The following FSTL5 variants were observed in gnomAD, a reference collection of about 807,000 sequenced individuals.
The protein encoded by FSTL5 is follistatin like 5, also known as follistatin-related protein 5.
Under a neutral mutation model 89.1 loss-of-function variants are expected in FSTL5, and 62 were observed. The ratio of observed to expected loss-of-function variants is 0.70; its 90% CI spans 0.57 to 0.86. The LOEUF is 0.86. Ranked by LOEUF, FSTL5 falls within the 40% of genes least tolerant of loss-of-function variation. The pLI is 0.00. For missense variants in FSTL5, 1,057 were observed against 1,001.6 expected, an observed-to-expected ratio of 1.06 and a Z score of -0.75; for synonymous variants, 383 against 346.2, an observed-to-expected ratio of 1.11 and a Z score of -1.18.
At chr4:161,658,518 A>G (rs1318793009) in intron 6 of FSTL5, among the ~76,000 whole-genome samples, 2 of 152,148 alleles carry the variant, frequency 1.3e-5, no homozygotes, top group African/African-American at 2.4e-5. Flanking sequence ...ATTCTGTCAT[A>G]TACATATGAC....
At chr4:162,081,906 G>T (rs1466008220) in intron 2 of FSTL5, among the ~76,000 whole-genome samples, 1 of 151,132 alleles carries the variant, frequency 6.6e-6, no homozygotes, top group African/African-American at 2.4e-5. Flanking sequence ...ACAAAAATCA[G>T]CCCTTAATCC....
intron 3 of FSTL5, among the ~76,000 whole-genome samples, chr4:161,946,791 G>A (rs1734746196): frequency 6.6e-6 from 1 of 152,120 alleles, no homozygotes; most frequent in Non-Finnish European, 1.5e-5. Flanking sequence ...TCATAAGACA[G>A]TTAATTTTAT....
chr4:161,438,534 C>T (rs1732651630), intron 15 of FSTL5, among the ~76,000 whole-genome samples: 1 of 152,056 alleles, frequency 6.6e-6, no homozygotes, highest in African/African-American at 2.4e-5. Context: ...CAGTTAGCTT[C>T]TCATATAGCT....
intron 3 of FSTL5, among the ~76,000 whole-genome samples, chr4:161,942,069 T>A (rs1473466222): frequency 6.6e-6 from 1 of 151,866 alleles, no homozygotes; most frequent in Non-Finnish European, 1.5e-5. Context: ...AAAAGAGATA[T>A]TAGGAAATAC....
intron 6 of FSTL5, among the ~76,000 whole-genome samples, chr4:161,710,906 G>A (rs1000248040): frequency 2.6e-5 from 4 of 152,014 alleles, no homozygotes; most frequent in East Asian, 1.9e-4. Flanking sequence ...AGAAATTCAC[G>A]AATATGTATA....
intron 7 of FSTL5, among the ~76,000 whole-genome samples, chr4:161,624,302 C>A (rs1410134640): frequency 1.3e-5 from 2 of 152,026 alleles, no homozygotes; most frequent in South Asian, 2.1e-4. Flanking sequence ...ATTCCAAAAA[C>A]CAAACAGGAT....
At chr4:161,475,023 T>C (rs970401008) in intron 13 of FSTL5, among the ~76,000 whole-genome samples, 2 of 151,542 alleles carry the variant, frequency 1.3e-5, no homozygotes, top group Admixed American at 6.6e-5. Context: ...GGATCCTTGA[T>C]TGGCTTTTTT....
rs150808027 is a variant in FSTL5 at position 161,653,788 on chromosome 4, T to C, written c.894+2540A>G. On this transcript the variant is annotated intron_variant, in intron 7 of 15. Coordinates refer to ENST00000306100, the MANE Select transcript of FSTL5 (RefSeq NM_020116.5). ...TTTCATAATTTGACTGTTGAAACTA[T>C]AGTACTTAAACAAAAACACCAGGAA... Among the ~76,000 whole-genome samples the C allele has an allele frequency of 6.1e-3, 923 of 152,258 alleles. 10 individuals carry two copies. The highest frequency in any genetic ancestry group is 0.045 in the South Asian group (219 of 4,824).
intron 4 of FSTL5, among the ~76,000 whole-genome samples, chr4:161,817,674 T>C (rs889330499): frequency 6.6e-6 from 1 of 152,216 alleles, no homozygotes; most frequent in Non-Finnish European, 1.5e-5. Context: ...ATTTTGATAG[T>C]CATATAGTAT....
At chr4:162,023,485 G>C (rs984088618) in intron 3 of FSTL5, among the ~76,000 whole-genome samples, 11 of 152,094 alleles carry the variant, frequency 7.2e-5, no homozygotes, top group East Asian at 1.9e-4. Context: ...GTCTGCATCA[G>C]TCTTGCAGAT....
intron 2 of FSTL5, among the ~76,000 whole-genome samples, chr4:162,054,026 T>C (rs771918173): frequency 6.6e-6 from 1 of 151,764 alleles, no homozygotes; most frequent in Non-Finnish European, 1.5e-5. Context: ...AATTTACTTA[T>C]AAAATAGATG....
At chr4:161,663,256 CAGTATTAACCCAAA>C (rs1465532798) in intron 6 of FSTL5, among the ~76,000 whole-genome samples, 2 of 152,136 alleles carry the variant, frequency 1.3e-5, no homozygotes, top group Admixed American at 1.3e-4. Context: ...AGTCTTATTT[CAGTATTAACCCAAA>C]AGTCCACAGT....
At chr4:161,498,330 T>G (rs1730164817) in intron 12 of FSTL5, among the ~76,000 whole-genome samples, 1 of 152,102 alleles carries the variant, frequency 6.6e-6, no homozygotes, top group African/African-American at 2.4e-5. Flanking sequence ...CTTGTTTTTT[T>G]AACTTGAGAT....
At chr4:161,984,868 A>G (rs1055575006) in intron 3 of FSTL5, among the ~76,000 whole-genome samples, 1 of 152,134 alleles carries the variant, frequency 6.6e-6, no homozygotes, top group Non-Finnish European at 1.5e-5. Context: ...CCTTGGCCCT[A>G]GTCAGAACCA....
intron 3 of FSTL5, among the ~76,000 whole-genome samples, chr4:161,922,507 AGTT>A (rs1475114973): frequency 6.6e-6 from 1 of 151,980 alleles, no homozygotes; most frequent in Non-Finnish European, 1.5e-5. Flanking sequence ...CACCCAGAGA[AGTT>A]GTTAATATAC....
intron 4 of FSTL5, among the ~76,000 whole-genome samples, chr4:161,851,344 G>C (rs761207029): frequency 1.3e-5 from 2 of 152,032 alleles, no homozygotes; most frequent in Non-Finnish European, 2.9e-5. Context: ...TTCAGAGTTT[G>C]TGTTATTATA....
chr4:161,386,239 G>A lies in FSTL5; in HGVS notation c.2052C>T (p.Asp684=), dbSNP rs1730634903. The A allele has an allele frequency of 8.7e-6, 14 of 1,614,016 alleles. No individual in the cohort carries two copies. The highest frequency in any genetic ancestry group is 1.7e-5 in the Admixed American group (1 of 59,982). ...CATCACTATTGAACCCAATGACTGA[G>A]TCAGTTACACCGTCCACCATGACCT... is the stretch of plus-strand genomic sequence containing the variant. ...SPQVMVDGVT[D]SVIGFNSDVT... The change falls in exon 16 of 16, where the codon GAC becomes GAT. Residue 684 remains aspartate, a synonymous_variant. Coordinates refer to ENST00000306100, the MANE Select transcript of FSTL5 (RefSeq NM_020116.5).
Position 161,726,912 on chromosome 4 carries a change from A to AT in FSTL5, c.727+32498_727+32499insA, listed in dbSNP as rs1553961529. Among the ~76,000 whole-genome samples the AT allele has an allele frequency of 4.7e-3, 236 of 49,738 alleles. 2 individuals are homozygous for AT. Among genetic ancestry groups the AT allele is most frequent in the Middle Eastern group, 8.1e-3 (1 of 124 alleles). The allele number at this position is 49,738 out of a possible 152,430, so 32.6% of individuals were successfully genotyped here. On this transcript the variant is annotated intron_variant, in intron 6 of 15. Transcript: ENST00000306100. ...GATATCCCAAAGAGCAAAAAAAAAAAATATATATATATATATATGTATATG... is the reference window on the plus strand; with the variant it reads ...GATATCCCAAAGAGCAAAAAAAAAAATATATATATATATATATATGTATATG...
At chr4:162,036,854 T>C (rs1177314435) in intron 2 of FSTL5, among the ~76,000 whole-genome samples, 1 of 151,932 alleles carries the variant, frequency 6.6e-6, no homozygotes, top group Non-Finnish European at 1.5e-5. Context: ...GGTGCTCATA[T>C]GGGATTAAAT....
Sources: allele counts gnomAD v4.1 joint callset (sites outside exome capture counted in the v4.1 genomes callset), GRCh38; gene constraint gnomAD v4.1.1; transcripts MANE v1.5; gene names NCBI Gene and HGNC (gene_info 2026-07-23, HGNC 2026-07-21).